GNAL: variants seen among roughly 807,000 people sequenced by gnomAD.
GNAL encodes the protein guanine nucleotide-binding protein G(olf) subunit alpha.
GNAL carries 18 observed loss-of-function variants against 55.1 expected under a neutral mutation model. That is an observed-to-expected ratio of 0.33 (90% confidence interval 0.23 to 0.48). The LOEUF is 0.48. Ranked by LOEUF, GNAL falls within the 20% of genes least tolerant of loss-of-function variation. The probability of loss-of-function intolerance (pLI) is 0.99; values close to 1 mark genes in which losing one functional copy is unlikely to be tolerated. For synonymous variants in GNAL, 253 were observed against 237.0 expected, an observed-to-expected ratio of 1.07 and a Z score of -0.62; for missense variants, 412 against 614.1, an observed-to-expected ratio of 0.67 and a Z score of 3.48.
At chr18:11,747,039 G>T (rs1241048432) in intron 1 of GNAL, 7 of 469,240 alleles carry the variant, frequency 1.5e-5, no homozygotes, top group Non-Finnish European at 3.0e-5. Flanking sequence ...CTTATGCAGG[G>T]TTATGTATAT....
chr18:11,814,679 T>C (rs1015330618), intron 4 of GNAL, among the ~76,000 whole-genome samples: 7 of 152,070 alleles, frequency 4.6e-5, no homozygotes, highest in Non-Finnish European at 1.0e-4. Flanking sequence ...GGTGGATCAC[T>C]TGAGGTCAGG....
intron 4 of GNAL, among the ~76,000 whole-genome samples, chr18:11,772,913 C>T (rs1464324030): frequency 6.6e-6 from 1 of 152,210 alleles, no homozygotes; most frequent in Non-Finnish European, 1.5e-5. Context: ...CCCTTACATC[C>T]CTGTCCTGCG....
In GNAL at chr18:11,730,363, T is replaced by C. The variant is rs1362828026; in HGVS notation, c.377-22490T>C. ...TAGTAGAGATGGGGGTTTCCCCACG[T>C]TGGCCACGCTGGTCTCGAACTCCTG... On this transcript the variant is annotated intron_variant, in intron 1 of 11. Coordinates refer to ENST00000334049, the MANE Select transcript of GNAL (RefSeq NM_182978.4). 4.0e-5 allele frequency among the ~76,000 whole-genome samples: 6 copies of C among 151,770 alleles called. No individual in the cohort carries two copies. In the East Asian group the frequency reaches 1.2e-3, roughly 30 times the overall value.
At chr18:11,878,932 G>A (rs1398902112) in intron 11 of GNAL, among the ~76,000 whole-genome samples, 8 of 148,674 alleles carry the variant, frequency 5.4e-5, no homozygotes, top group Non-Finnish European at 1.2e-4. Flanking sequence ...CTCACCTGGT[G>A]CTTTGGGATT....
At chr18:11,872,596 C>G (rs919502110) in intron 10 of GNAL, among the ~76,000 whole-genome samples, 198 bp downstream of exon 10, 1 of 152,116 alleles carries the variant, frequency 6.6e-6, no homozygotes, top group East Asian at 1.9e-4. Context: ...GTAAATGTTT[C>G]CGAGTTTGAC....
At chr18:11,739,134 C>G (rs765711780) in intron 1 of GNAL, among the ~76,000 whole-genome samples, 1 of 152,178 alleles carries the variant, frequency 6.6e-6, no homozygotes, top group Non-Finnish European at 1.5e-5. Context: ...CAGGGAAATT[C>G]TTACAGAGCA....
intron 4 of GNAL, among the ~76,000 whole-genome samples, chr18:11,797,573 A>T (rs1460687205): frequency 6.6e-6 from 1 of 151,964 alleles, no homozygotes; most frequent in African/African-American, 2.4e-5. Context: ...TCAAAGCCCC[A>T]CCTCTACAAA....
chr18:11,786,436 C>CCTT lies in GNAL; in HGVS notation c.624+32491_624+32492insCTT, dbSNP rs2034059621. On this transcript the variant is annotated intron_variant, in intron 4 of 11. Coordinates refer to ENST00000334049, the MANE Select transcript of GNAL (RefSeq NM_182978.4). ...GGTGGGATAGATCTTCATACGTTTTCTTTTTTTTTTTTTTTTTTTTTTTTT... is the reference window on the plus strand; with the variant it reads ...GGTGGGATAGATCTTCATACGTTTTCCTTTTTTTTTTTTTTTTTTTTTTTTTTT... Among the ~76,000 whole-genome samples the CCTT allele has an allele frequency of 4.3e-4, 26 of 60,684 alleles. 1 individual carries two copies. The highest frequency in any genetic ancestry group is 1.7e-3 in the African/African-American group (24 of 14,270). 39.8% of individuals were successfully genotyped at this position (60,684 alleles called of 152,430 possible).
chr18:11,818,720 T>C (rs1442361088), intron 4 of GNAL, among the ~76,000 whole-genome samples: 1 of 152,190 alleles, frequency 6.6e-6, no homozygotes, highest in African/African-American at 2.4e-5. Flanking sequence ...ACCCTGAAAC[T>C]TGGTTTCTAA....
At chr18:11,814,423 G>A (rs1375145612) in intron 4 of GNAL, among the ~76,000 whole-genome samples, 1 of 152,148 alleles carries the variant, frequency 6.6e-6, no homozygotes, top group African/African-American at 2.4e-5. Context: ...AGCTACTTGG[G>A]AGGCTGAGGC....
At chr18:11,707,990 C>T (rs1177649509) in intron 1 of GNAL, among the ~76,000 whole-genome samples, 2 of 152,192 alleles carry the variant, frequency 1.3e-5, no homozygotes, top group African/African-American at 4.8e-5. Context: ...GCTTTGGCTT[C>T]GGGGAATGCT....
intron 11 of GNAL, among the ~76,000 whole-genome samples, chr18:11,878,469 A>G (rs922442065): frequency 1.2e-4 from 18 of 152,166 alleles, no homozygotes; most frequent in Non-Finnish European, 2.5e-4. Context: ...AACAAAAACA[A>G]AACTATTTGA....
chr18:11,695,585 A>C (rs1041297213), intron 1 of GNAL, among the ~76,000 whole-genome samples: 14 of 152,128 alleles, frequency 9.2e-5, no homozygotes, highest in African/African-American at 3.4e-4. Flanking sequence ...TTCATCTTTC[A>C]TTGACTGTGT....
chr18:11,740,324 G>C (rs911459923), intron 1 of GNAL, among the ~76,000 whole-genome samples: 1 of 152,022 alleles, frequency 6.6e-6, no homozygotes, highest in Non-Finnish European at 1.5e-5. Flanking sequence ...TAGCTACCCT[G>C]CCCTGCCCAC....
chr18:11,756,013 C>T (rs113996925), intron 4 of GNAL, among the ~76,000 whole-genome samples: 41 of 152,260 alleles, frequency 2.7e-4, no homozygotes, highest in African/African-American at 8.7e-4. Flanking sequence ...TAGAAGTAAT[C>T]GTAAAACATC....
At chr18:11,762,377 A>C (rs2033271620) in intron 4 of GNAL, among the ~76,000 whole-genome samples, 2 of 152,220 alleles carry the variant, frequency 1.3e-5, no homozygotes, top group Admixed American at 1.3e-4. Context: ...GTAATTATTC[A>C]GTACACATAT....
At chr18:11,852,275 T>C (rs988657855) in intron 5 of GNAL, 6 of 813,170 alleles carry the variant, frequency 7.4e-6, no homozygotes, top group African/African-American at 6.9e-5. Context: ...AGAAATTCAG[T>C]ATTTCTGCAC....
Position 11,751,644 on chromosome 18 carries a change from G to C in GNAL, c.377-1209G>C, listed in dbSNP as rs928899192. Reference sequence around the variant, plus strand: ...CGCACTTTCCCGGCTCGGGGTGCAAGAGAGCCAGGCGGCCGCGGCGCAGCG... The same window carrying C: ...CGCACTTTCCCGGCTCGGGGTGCAACAGAGCCAGGCGGCCGCGGCGCAGCG... On this transcript the variant is annotated intron_variant, in intron 1 of 11. Coordinates refer to ENST00000334049, the MANE Select transcript of GNAL (RefSeq NM_182978.4). This position sits in a 1 kb window ranked among gnomAD's most constrained non-coding sequence, Gnocchi z 4.5. 1.0e-6 allele frequency: 1 copy of C among 985,402 alleles called. No individual in the cohort carries two copies. Among genetic ancestry groups the C allele is most frequent in the Non-Finnish European group, 1.2e-6 (1 of 829,988 alleles). The allele number at this position is 985,402 out of a possible 1,614,324, so 61.0% of individuals were successfully genotyped here. A position where few individuals can be genotyped will look rare whatever the true frequency, so the allele number is the denominator to read the frequency against.
At chr18:11,770,618 A>C (rs1324761518) in intron 4 of GNAL, among the ~76,000 whole-genome samples, 5 of 152,134 alleles carry the variant, frequency 3.3e-5, no homozygotes, top group Non-Finnish European at 5.9e-5. Context: ...CATTATTATC[A>C]GGTTGCATTT....
Sources: gnomAD v4.1 joint callset for allele counts (sites outside exome capture counted in the v4.1 genomes callset) on GRCh38, gnomAD v4.1.1 for gene constraint, Gnocchi (gnomAD v3.1) non-coding constraint, MANE v1.5 for transcripts, NCBI Gene and HGNC (gene_info 2026-07-23, HGNC 2026-07-21) for gene names.